APLP2: variants seen among roughly 807,000 people sequenced by gnomAD.
APLP2 encodes CDEI box-binding protein.
APLP2 carries 53 observed loss-of-function variants against 89.9 expected under a neutral mutation model. The ratio of observed to expected loss-of-function variants is 0.59; its 90% confidence interval spans 0.47 to 0.74. APLP2 has a LOEUF of 0.74. Among genes scored for constraint, APLP2 ranks in the 30% least tolerant of loss-of-function variants. APLP2 has a pLI of 0.00. For synonymous variants in APLP2, 372 were observed against 348.6 expected, an observed-to-expected ratio of 1.07 and a Z score of -0.75; for missense variants, 973 against 975.9, an observed-to-expected ratio of 1.00 and a Z score of 0.04.
chr11:130,136,368 C>T (rs1030276955), intron 13 of APLP2, among the ~76,000 whole-genome samples: 11 of 152,182 alleles, frequency 7.2e-5, no homozygotes, highest in African/African-American at 2.7e-4. Flanking sequence ...TGTTATATGC[C>T]AGCTTTAGCT....
At chr11:130,142,777 C>T (rs1952579572) in intron 16 of APLP2, among the ~76,000 whole-genome samples, 1 of 152,090 alleles carries the variant, frequency 6.6e-6, no homozygotes, top group African/African-American at 2.4e-5. Flanking sequence ...CCACGCCCAG[C>T]TAGTCTTTGT....
chr11:130,133,699 A>T lies in APLP2; in HGVS notation c.1655A>T (p.Tyr552Phe). 6.2e-7 allele frequency: 1 copy of T among 1,614,098 alleles called. No individual in the cohort carries two copies. The highest frequency in any genetic ancestry group is 8.5e-7 in the Non-Finnish European group (1 of 1,179,932). The part of the protein sequence containing the change: ...QSLSLLYKVP[Y>F]VAQEIQEEID... ...CTCTCTCTGCTCTACAAAGTACCTT[A>T]TGTAGCCCAAGAAATTCAAGAGGAA... The change falls in exon 12 of 17, where the codon TAT (tyrosine) becomes TTT (phenylalanine). Residue 552 changes from tyrosine to phenylalanine, a missense_variant. Tyr to Phe is a conservative substitution (Grantham distance 22). Coordinates refer to ENST00000338167, the MANE Select transcript of APLP2 (RefSeq NM_001142276.2).
rs574378480 is a variant in APLP2, at chr11:130,122,191, C to T, written c.714-114C>T. ...GGGCTTAGTGGCACGGTGAAATGTGCGTTGAGCTTATTTCCTGCCTCTGTT... is the reference window on the plus strand; with the variant it reads ...GGGCTTAGTGGCACGGTGAAATGTGTGTTGAGCTTATTTCCTGCCTCTGTT... On this transcript the variant is annotated intron_variant, in intron 5 of 16. Coordinates refer to ENST00000338167, the MANE Select transcript of APLP2 (RefSeq NM_001142276.2). The T allele has an allele frequency of 6.3e-5, 79 of 1,253,712 alleles. 1 individual carries two copies. The Admixed American group carries it at 6.3e-4, about 10-fold the overall frequency. The allele number at this position is 1,253,712 out of a possible 1,614,324, so 77.7% of individuals were successfully genotyped here. A position where few individuals can be genotyped will look rare whatever the true frequency, so the allele number is the denominator to read the frequency against.
intron 13 of APLP2, among the ~76,000 whole-genome samples, chr11:130,138,376 C>A (rs1791903249): frequency 6.6e-6 from 1 of 152,144 alleles, no homozygotes; most frequent in African/African-American, 2.4e-5. Context: ...ACTGTGCCGA[C>A]ATTCCTTTCA....
intron 13 of APLP2, 38 bp from the exon 14 acceptor site, chr11:130,140,360 C>T: frequency 6.5e-7 from 1 of 1,534,590 alleles, no homozygotes; most frequent in Non-Finnish European, 8.8e-7. Flanking sequence ...TGAGATGGGC[C>T]ATCCTTGGGA....
chr11:130,124,293 A>G (rs1359019066), intron 7 of APLP2, among the ~76,000 whole-genome samples: 4 of 152,158 alleles, frequency 2.6e-5, no homozygotes, highest in African/African-American at 4.8e-5. Flanking sequence ...ATCTTGCATA[A>G]TGCACTCTAG....
At chr11:130,093,713 G>A (rs993156532) in intron 1 of APLP2, among the ~76,000 whole-genome samples, 5 of 152,136 alleles carry the variant, frequency 3.3e-5, no homozygotes, top group Non-Finnish European at 7.4e-5. Context: ...CAGAATACCA[G>A]AGATTGGGAA....
chr11:130,143,278 A>G (rs1031776442), intron 16 of APLP2, 69 bp from the exon 17 acceptor site: 1 of 1,416,446 alleles, frequency 7.1e-7, no homozygotes, highest in East Asian at 2.3e-5. Flanking sequence ...CAAATGGCTC[A>G]GGTCTCCCAG....
At chr11:130,088,744 T>C (rs561848635) in intron 1 of APLP2, among the ~76,000 whole-genome samples, 7 of 152,066 alleles carry the variant, frequency 4.6e-5, no homozygotes, top group Non-Finnish European at 1.5e-5. Flanking sequence ...TGTCCTTTTT[T>C]TTCTTTTGAT....
intron 1 of APLP2, 38 bp from the exon 2 acceptor site, chr11:130,109,391 T>G (rs758961318): frequency 1.3e-6 from 2 of 1,586,834 alleles, no homozygotes; most frequent in Admixed American, 1.8e-5. Flanking sequence ...TGTGCTAGCC[T>G]TCTTGGAGTA....
In APLP2 at chr11:130,070,046, C is replaced by G. The variant is rs771572204; in HGVS notation, c.69C>G (p.Leu23=). The part of the protein sequence containing the change: ...GRLLLLLLVG[L]TAPALALAGY... Reference sequence around the variant, plus strand: ...TCCTGCTTCTGCTGCTGGTGGGGCTCACGGCGCCTGCCTTGGCGCTGGCCG... The same window carrying G: ...TCCTGCTTCTGCTGCTGGTGGGGCTGACGGCGCCTGCCTTGGCGCTGGCCG... The change falls in exon 1 of 17, where the codon CTC becomes CTG. Residue 23 remains leucine, a synonymous_variant. Transcript: ENST00000338167. 15 of 1,508,814 alleles carry G rather than the reference C, an allele frequency of 9.9e-6. No individual in the cohort carries two copies. The Middle Eastern group carries it at 8.3e-4, about 83-fold the overall frequency. The allele number at this position is 1,508,814 out of a possible 1,614,324, so 93.5% of individuals were successfully genotyped here. A position where few individuals can be genotyped will look rare whatever the true frequency, so the allele number is the denominator to read the frequency against.
At chr11:130,088,380 A>C (rs1282468023) in intron 1 of APLP2, among the ~76,000 whole-genome samples, 3 of 152,218 alleles carry the variant, frequency 2.0e-5, no homozygotes, top group African/African-American at 7.2e-5. Context: ...AGACCTCTGA[A>C]GAGTCTATCT....
Position 130,123,465 on chromosome 11 carries a change from A to G in APLP2, c.923-147A>G. 1.3e-6 allele frequency: 1 copy of G among 772,606 alleles called. No homozygotes were observed. Among genetic ancestry groups the G allele is most frequent in the Non-Finnish European group, 2.0e-6 (1 of 491,384 alleles). 47.9% of individuals were successfully genotyped at this position (772,606 alleles called of 1,614,324 possible). On this transcript the variant is annotated intron_variant, in intron 6 of 16. Coordinates refer to ENST00000338167, the MANE Select transcript of APLP2 (RefSeq NM_001142276.2). This position sits in a 1 kb window ranked among gnomAD's most constrained non-coding sequence, Gnocchi z 4.0. ...ACTTGTCCTCAGCAAGGCTGGCCTG[A>G]GCTGGAGCTTTCGGCCACCGGGCCT...
At chr11:130,075,381 GA>G (rs1360901073) in intron 1 of APLP2, among the ~76,000 whole-genome samples, 3 of 152,190 alleles carry the variant, frequency 2.0e-5, no homozygotes, top group Non-Finnish European at 4.4e-5. Context: ...ATGAAGATTA[GA>G]AAATTAGCTG....
chr11:130,099,717 CTT>C (rs1274921461), intron 1 of APLP2, among the ~76,000 whole-genome samples: 1 of 152,234 alleles, frequency 6.6e-6, no homozygotes, highest in Admixed American at 6.5e-5. Flanking sequence ...AATGTGCACT[CTT>C]TTAAACCCAT....
chr11:130,087,624 A>T (rs1944321221), intron 1 of APLP2, among the ~76,000 whole-genome samples: 2 of 152,220 alleles, frequency 1.3e-5, no homozygotes, highest in Admixed American at 1.3e-4. Flanking sequence ...GATCTTTTGT[A>T]GTAAATATTT....
chr11:130,089,214 T>C (rs1194669939), intron 1 of APLP2, among the ~76,000 whole-genome samples: 12 of 152,228 alleles, frequency 7.9e-5, no homozygotes, highest in Non-Finnish European at 1.5e-5. Flanking sequence ...CTGCCTTTGT[T>C]CATCATCTTT....
At position 130,143,534 on chromosome 11, in the gene APLP2, G is replaced by T. The variant is rs1418688946; in HGVS notation, c.*86G>T. ...TCCGATCGACTGCCAAGCAGCAGCC[G>T]CTGCCAGGGGCTGCGTCTGACATCC... On this transcript the variant is annotated 3_prime_UTR_variant, in exon 17 of 17. Transcript: ENST00000338167. The T allele has an allele frequency of 1.3e-5, 14 of 1,089,658 alleles. No homozygotes were observed. Among genetic ancestry groups the T allele is most frequent in the Middle Eastern group, 2.3e-4 (1 of 4,292 alleles). The allele number at this position is 1,089,658 out of a possible 1,614,324, so 67.5% of individuals were successfully genotyped here.
intron 1 of APLP2, among the ~76,000 whole-genome samples, chr11:130,087,541 T>A (rs764052615): frequency 1.4e-4 from 22 of 152,184 alleles, no homozygotes; most frequent in South Asian, 2.1e-4. Context: ...CCCCATTCCC[T>A]GTCTGTGATG....
Sources: allele counts gnomAD v4.1 joint callset (sites outside exome capture counted in the v4.1 genomes callset), GRCh38; gene constraint gnomAD v4.1.1; non-coding constraint Gnocchi (gnomAD v3.1); transcripts MANE v1.5; gene names NCBI Gene and HGNC (gene_info 2026-07-23, HGNC 2026-07-21).